Variants in NRG3 observed in about 807,000 individuals in gnomAD.
NRG3 encodes the protein neuregulin 3.
A neutral mutation model predicts 66.9 loss-of-function variants in NRG3; 31 were observed. The observed-to-expected ratio is 0.46, with a 90% CI of 0.35 to 0.63. The LOEUF (loss-of-function observed/expected upper bound fraction) is 0.63, where lower values mean the gene tolerates loss of function less well. Ranked by LOEUF, NRG3 falls within the 20% of genes least tolerant of loss-of-function variation. The pLI is 0.00. For synonymous variants in NRG3, 393 were observed against 359.4 expected (o/e 1.09, Z -1.06); for missense variants, 910 against 878.9 (o/e 1.04, Z -0.45).
chr10:82,094,933 T>A lies in NRG3; in HGVS notation c.823+218770T>A, dbSNP rs904703060. On this transcript the variant is annotated intron_variant, in intron 1 of 8. Coordinates refer to ENST00000372141, the MANE Select transcript of NRG3 (RefSeq NM_001010848.4). ...CTGTGAAATTACTTAATGGTTACAA[T>A]GCACATTATTTGGGGGATAGTTACA... is the stretch of plus-strand genomic sequence containing the variant. Among the ~76,000 whole-genome samples, 5 of 152,294 alleles carry A rather than the reference T, an allele frequency of 3.3e-5. No homozygotes were observed. The South Asian group carries it at 1.0e-3, about 32-fold the overall frequency.
At chr10:82,184,511 G>A (rs2073669266) in intron 1 of NRG3, among the ~76,000 whole-genome samples, 1 of 152,048 alleles carries the variant, frequency 6.6e-6, no homozygotes, top group African/African-American at 2.4e-5. Context: ...AGAAGTCAGA[G>A]GCCTTTTATC....
intron 1 of NRG3, among the ~76,000 whole-genome samples, chr10:82,278,933 C>A (rs2078993396): frequency 6.6e-6 from 1 of 152,136 alleles, no homozygotes; most frequent in South Asian, 2.1e-4. Context: ...AGTTAGGTGT[C>A]TGCTTCGGTT....
intron 2 of NRG3, among the ~76,000 whole-genome samples, chr10:82,698,401 G>C (rs769446836): frequency 3.3e-5 from 5 of 151,990 alleles, no homozygotes; most frequent in Non-Finnish European, 7.4e-5. Context: ...CTTAACAGGG[G>C]AAAAAGTCTA....
chr10:82,721,123 CTTTTTTTT>C (rs531541747), intron 2 of NRG3, among the ~76,000 whole-genome samples: 1 of 47,862 alleles, frequency 2.1e-5, no homozygotes, highest in Non-Finnish European at 3.6e-5. Context: ...GAGTTTCACC[CTTTTTTTT>C]TTTTTTTTTT....
intron 1 of NRG3, among the ~76,000 whole-genome samples, chr10:81,954,189 G>A (rs116147122): frequency 0.025 from 3,833 of 152,250 alleles, 70 homozygotes; most frequent in African/African-American, 0.051. Flanking sequence ...TAAGAGCAGA[G>A]TTAATTTAGG....
intron 6 of NRG3, among the ~76,000 whole-genome samples, chr10:82,962,564 C>A (rs750372992): frequency 1.3e-5 from 2 of 152,060 alleles, no homozygotes; most frequent in Non-Finnish European, 2.9e-5. Context: ...CTAGGCCAGG[C>A]GCAGTGGCTC....
chr10:82,581,162 T>G (rs1386615272), intron 2 of NRG3, among the ~76,000 whole-genome samples: 1 of 151,932 alleles, frequency 6.6e-6, no homozygotes, highest in Non-Finnish European at 1.5e-5. Flanking sequence ...TGGTATCTCA[T>G]TTTGCAATTC....
chr10:82,528,378 AT>A (rs141050566), intron 2 of NRG3, among the ~76,000 whole-genome samples: 8,913 of 152,270 alleles, frequency 0.059, 580 homozygotes, highest in East Asian at 0.16. Flanking sequence ...AAGCCCAATC[AT>A]TAAAGTGATT....
chr10:82,789,349 T>C (rs944821955), intron 3 of NRG3, among the ~76,000 whole-genome samples: 2 of 152,148 alleles, frequency 1.3e-5, no homozygotes, highest in Non-Finnish European at 1.5e-5. Flanking sequence ...CTTTACATTT[T>C]TATTATTAAA....
At position 82,392,005 on chromosome 10, in the gene NRG3, A is replaced by AC. The variant is rs1269552866; in HGVS notation, c.953+33137_953+33138insC. On this transcript the variant is annotated intron_variant, in intron 2 of 8. Coordinates refer to ENST00000372141, the MANE Select transcript of NRG3 (RefSeq NM_001010848.4). The stretch of plus-strand genomic sequence containing the variant: ...TTTCGAGCACATGCAAAAAAAAAAA[A>AC]AAAAACAAAAAAAAAACCCACGAAA... 2.0e-5 allele frequency among the ~76,000 whole-genome samples: 3 copies of AC among 149,066 alleles called. No individual in the cohort carries two copies. In the East Asian group the frequency reaches 5.8e-4, roughly 29 times the overall value.
intron 4 of NRG3, among the ~76,000 whole-genome samples, chr10:82,866,661 T>C (rs1335577083): frequency 2.0e-5 from 3 of 152,076 alleles, no homozygotes; most frequent in Admixed American, 1.3e-4. Flanking sequence ...GAATGTGAGA[T>C]AGTTGTAGAA....
chr10:81,888,894 T>C (rs951482964), intron 1 of NRG3, among the ~76,000 whole-genome samples: 1 of 152,168 alleles, frequency 6.6e-6, no homozygotes, highest in Admixed American at 6.5e-5. Context: ...ATTTTAAAGA[T>C]TCTCTAAGGC....
intron 3 of NRG3, among the ~76,000 whole-genome samples, chr10:82,764,011 A>G (rs985666676): frequency 1.3e-5 from 2 of 152,128 alleles, no homozygotes; most frequent in African/African-American, 4.8e-5. Flanking sequence ...AATTGCATAC[A>G]TGGCTTGCAT....
intron 1 of NRG3, among the ~76,000 whole-genome samples, chr10:82,234,256 G>T (rs1467312680): frequency 6.6e-6 from 1 of 152,014 alleles, no homozygotes; most frequent in Non-Finnish European, 1.5e-5. Flanking sequence ...ATCAGTTTCT[G>T]GAACGTGTTC....
intron 1 of NRG3, among the ~76,000 whole-genome samples, chr10:82,142,822 A>G (rs1260017014): frequency 6.9e-6 from 1 of 144,690 alleles, no homozygotes; most frequent in East Asian, 2.1e-4. Flanking sequence ...CCAGGCTGGA[A>G]TGCAGTGGTG....
At chr10:81,972,345 TA>T (rs1410846150) in intron 1 of NRG3, among the ~76,000 whole-genome samples, 2 of 152,120 alleles carry the variant, frequency 1.3e-5, no homozygotes, top group Non-Finnish European at 2.9e-5. Flanking sequence ...ATATGATCCA[TA>T]TTGAGACAAA....
rs139586331 is a variant in NRG3 at position 82,597,082 on chromosome 10, A to G, written c.954-141495A>G. Among the ~76,000 whole-genome samples, 31 of 152,254 alleles carry G rather than the reference A, an allele frequency of 2.0e-4. No homozygotes were observed. In the East Asian group the frequency reaches 6.0e-3, roughly 29 times the overall value. ...TACCATATGCGTTTTAACAAAACCA[A>G]TTTTCAGTATTGAGTTGAAAAACCC... On this transcript the variant is annotated intron_variant, in intron 2 of 8. Transcript: ENST00000372141.
chr10:82,981,003 A>G (rs1274979183), intron 8 of NRG3, among the ~76,000 whole-genome samples: 1 of 152,174 alleles, frequency 6.6e-6, no homozygotes, highest in Non-Finnish European at 1.5e-5. Flanking sequence ...AGTGAGGGAA[A>G]ATCAACTTCA....
intron 1 of NRG3, among the ~76,000 whole-genome samples, chr10:81,954,698 G>A (rs1849665206): frequency 6.6e-6 from 1 of 152,032 alleles, no homozygotes; most frequent in Non-Finnish European, 1.5e-5. Context: ...TGTGAATGAG[G>A]GCATTCTAAA....
Sources: gnomAD v4.1 joint callset for allele counts (sites outside exome capture counted in the v4.1 genomes callset) on GRCh38, gnomAD v4.1.1 for gene constraint, MANE v1.5 for transcripts, NCBI Gene and HGNC (gene_info 2026-07-23, HGNC 2026-07-21) for gene names.